APELA: variants seen among roughly 807,000 people sequenced by gnomAD.
APELA encodes the protein apelin receptor early endogenous ligand, also known as protein Elabela.
At chr4:164,879,056 AATTAG>A (rs1730608920) in intron 2 of APELA, 47 bp downstream of exon 2, 1 of 398,752 alleles carries the variant, frequency 2.5e-6, no homozygotes, top group Non-Finnish European at 4.4e-6. Flanking sequence ...CAGTGTTCCA[AATTAG>A]ATATACCAGG....
chr4:164,883,247 G>C (rs1730695015), intron 2 of APELA, among the ~76,000 whole-genome samples: 1 of 152,086 alleles, frequency 6.6e-6, no homozygotes, highest in South Asian at 2.1e-4. Flanking sequence ...TCCAACTTTA[G>C]CTGGGCTCTC....
At chr4:164,893,754 T>A (rs1025448028) in intron 2 of APELA, among the ~76,000 whole-genome samples, 1 of 152,176 alleles carries the variant, frequency 6.6e-6, no homozygotes, top group African/African-American at 2.4e-5. Context: ...TTTTTGTTTG[T>A]TTGTTTTTTT....
intron 2 of APELA, among the ~76,000 whole-genome samples, chr4:164,883,916 T>TAA (rs35518678): frequency 5.2e-5 from 7 of 133,454 alleles, no homozygotes; most frequent in African/African-American, 1.7e-4. Context: ...TATTTTGTCT[T>TAA]AAAAAAAAAA....
At chr4:164,888,409 TG>T (rs1730818997) in intron 2 of APELA, among the ~76,000 whole-genome samples, 1 of 152,200 alleles carries the variant, frequency 6.6e-6, no homozygotes, top group South Asian at 2.1e-4. Context: ...TCTAGAAGCA[TG>T]ATATCCTATT....
At chr4:164,884,457 G>T (rs148284827) in intron 2 of APELA, among the ~76,000 whole-genome samples, 1 of 152,068 alleles carries the variant, frequency 6.6e-6, no homozygotes, top group Non-Finnish European at 1.5e-5. Flanking sequence ...CAGTTATCCC[G>T]CTGTAGGTCA....
At position 164,879,004 on chromosome 4, in the gene APELA, C is replaced by G. The variant is rs978844053; in HGVS notation, c.161C>G (p.Pro54Arg). 2.5e-6 allele frequency: 1 copy of G among 398,894 alleles called. No homozygotes were observed. The highest frequency in any genetic ancestry group is 4.4e-6 in the Non-Finnish European group (1 of 226,026). The allele number at this position is 398,894 out of a possible 1,614,324, so 24.7% of individuals were successfully genotyped here. A position where few individuals can be genotyped will look rare whatever the true frequency, so the allele number is the denominator to read the frequency against. Residue 54 changes from proline to arginine, a missense_variant, in exon 2 of 3, where the codon CCC becomes CGC. Physicochemically the swap from Pro to Arg is moderately radical, Grantham distance 103. Transcript: ENST00000507152. ...CCTCTCCATTCACGAGTACCCTTTC[C>G]CTGAGGTATTTCTGACAGAAAATAG... Reference protein sequence around the residue: ...CMPLHSRVPFP With the variant: ...CMPLHSRVPFR
At chr4:164,881,845 G>A (rs2111051437) in intron 2 of APELA, among the ~76,000 whole-genome samples, 1 of 149,508 alleles carries the variant, frequency 6.7e-6, no homozygotes, top group East Asian at 2.0e-4. Flanking sequence ...GACCAGCCTG[G>A]ACAACATGAT....
In APELA at chr4:164,895,735, C is replaced by T. The variant is rs1323158729; in HGVS notation, c.*321C>T. 1 of 152,126 alleles carries T rather than the reference C, an allele frequency of 6.6e-6. No individual in the cohort carries two copies. Among genetic ancestry groups the T allele is most frequent in the Non-Finnish European group, 1.5e-5 (1 of 68,010 alleles). The allele number at this position is 152,126 out of a possible 1,614,324, so 9.4% of individuals were successfully genotyped here. ...TTTTATGGGTTAAAAAGAAAAATAC[C>T]TTTTAGTGTTTTAGAACTCTCTCAT... On this transcript the variant is annotated 3_prime_UTR_variant, in exon 3 of 3. Coordinates refer to ENST00000507152, the MANE Select transcript of APELA (RefSeq NM_001297550.2).
Position 164,877,300 on chromosome 4 carries a change from G to C in APELA, c.-32G>C. ...TTACAGATCGTTTGGTTTACATTGA[G>C]AGTCATTGCTCTACTTTTGTGCGGT... On this transcript the variant is annotated 5_prime_UTR_variant, in exon 1 of 3. Transcript: ENST00000507152. The C allele has an allele frequency of 2.5e-6, 1 of 398,982 alleles. No homozygotes were observed. The highest frequency in any genetic ancestry group is 3.6e-5 in the East Asian group (1 of 28,072). 24.7% of individuals were successfully genotyped at this position (398,982 alleles called of 1,614,324 possible).
intron 2 of APELA, among the ~76,000 whole-genome samples, chr4:164,886,743 A>AT (rs775345563): frequency 6.6e-6 from 1 of 152,216 alleles, no homozygotes; most frequent in Non-Finnish European, 1.5e-5. Flanking sequence ...TATTATAAAC[A>AT]TTTATTACAA....
At position 164,897,482 on chromosome 4, in the gene APELA, G is replaced by C. The variant is rs1223207947; in HGVS notation, c.*2068G>C. The C allele has an allele frequency of 1.3e-5, 2 of 152,154 alleles. No individual in the cohort carries two copies. Among genetic ancestry groups the C allele is most frequent in the Admixed American group, 6.6e-5 (1 of 15,262 alleles). The allele number at this position is 152,154 out of a possible 1,614,324, so 9.4% of individuals were successfully genotyped here. On this transcript the variant is annotated 3_prime_UTR_variant, in exon 3 of 3. Transcript: ENST00000507152. ...TTTTACTATTGTAAAGTAATGAAAT[G>C]GTTATACATTTCTTAATTGTTCAAT...
chr4:164,887,707 G>A (rs1054280869), intron 2 of APELA, among the ~76,000 whole-genome samples: 14 of 151,820 alleles, frequency 9.2e-5, no homozygotes, highest in Admixed American at 1.3e-4. Flanking sequence ...TGCCTCCTGG[G>A]TTTAAGCGAT....
chr4:164,890,326 C>G (rs1313407607), intron 2 of APELA, among the ~76,000 whole-genome samples: 1 of 152,110 alleles, frequency 6.6e-6, no homozygotes, highest in East Asian at 1.9e-4. Context: ...AGTTGTGCAA[C>G]CATCACCATG....
At position 164,879,699 on chromosome 4, in the gene APELA, C is replaced by T. The variant is rs183399982; in HGVS notation, c.*1+690C>T. ...GCCTCAAGTGATCCACCCGCCTTGG[C>T]CTTCCAAAGTGCTGGAATTTCAGAT... On this transcript the variant is annotated intron_variant, in intron 2 of 2. Transcript: ENST00000507152. 3.5e-4 allele frequency among the ~76,000 whole-genome samples: 54 copies of T among 152,352 alleles called. No homozygotes were observed. In the East Asian group the frequency reaches 8.5e-3, roughly 24 times the overall value.
intron 2 of APELA, among the ~76,000 whole-genome samples, chr4:164,891,130 A>T (rs925953513): frequency 6.6e-6 from 1 of 152,174 alleles, no homozygotes; most frequent in Non-Finnish European, 1.5e-5. Context: ...TATTCTGAAT[A>T]CAGGGCCCTT....
chr4:164,878,169 G>GAAAGAAAGAAAGAAACAGAAAAA (rs1730590260), intron 1 of APELA, among the ~76,000 whole-genome samples: 1 of 83,528 alleles, frequency 1.2e-5, no homozygotes, highest in Non-Finnish European at 2.4e-5. Flanking sequence ...GAAAAGAAGA[G>GAAAGAAAGAAAGAAACAGAAAAA]AGAAAGAAAG....
chr4:164,878,196 A>AAAGAAAGAAAG (rs1553970695), intron 1 of APELA, among the ~76,000 whole-genome samples: 16 of 143,476 alleles, frequency 1.1e-4, no homozygotes, highest in African/African-American at 4.2e-4. Flanking sequence ...AGAAACAGAA[A>AAAGAAAGAAAG]AAAGAAAGAA....
chr4:164,893,493 C>G (rs568590644), intron 2 of APELA, among the ~76,000 whole-genome samples: 13 of 152,204 alleles, frequency 8.5e-5, no homozygotes, highest in African/African-American at 2.9e-4. Context: ...TTTTAGGGCT[C>G]TAAGTATATA....
At chr4:164,885,156 A>G (rs1730744800) in intron 2 of APELA, among the ~76,000 whole-genome samples, 1 of 152,014 alleles carries the variant, frequency 6.6e-6, no homozygotes, top group Non-Finnish European at 1.5e-5. Flanking sequence ...TTTGAGACAG[A>G]GTCTTGCTCT....
Sources: allele counts gnomAD v4.1 joint callset (sites outside exome capture counted in the v4.1 genomes callset), GRCh38; gene constraint gnomAD v4.1.1; transcripts MANE v1.5; gene names NCBI Gene and HGNC (gene_info 2026-07-23, HGNC 2026-07-21).